The following CISTR variants were observed in gnomAD, a reference collection of about 807,000 sequenced individuals.
The protein encoded by CISTR is chondrogenic regulator lncRNA.
rs367670243 is a variant in CISTR at position 53,748,464 on chromosome 12, G to A, written n.1064-1616C>T. On this transcript the variant is annotated intron_variant and non_coding_transcript_variant, in intron 2 of 2. Coordinates refer to ENST00000669269, the Ensembl canonical transcript of CISTR. ...GGTCCCAGCACTCTGGAGATGAAGA[G>A]AGACGGACAGAGGGAACAGAGACAC... Among the ~76,000 whole-genome samples the A allele has an allele frequency of 1.2e-4, 19 of 152,300 alleles. No individual in the cohort carries two copies. In the East Asian group the frequency reaches 2.7e-3, roughly 22 times the overall value.
chr12:53,753,052 TCACACACACACACACA>T (rs760615546), intron 1 of CISTR, among the ~76,000 whole-genome samples: 2 of 121,326 alleles, frequency 1.6e-5, no homozygotes, highest in South Asian at 2.5e-4. Flanking sequence ...CATCTATACA[TCACACACACACACACA>T]CACACACACA....
intron 1 of CISTR, among the ~76,000 whole-genome samples, chr12:53,755,536 CG>C (rs1189386373): frequency 6.6e-6 from 1 of 152,028 alleles, no homozygotes; most frequent in Non-Finnish European, 1.5e-5. Context: ...GTGTGTATGT[CG>C]GGGAGGGGAA....
intron 2 of CISTR, among the ~76,000 whole-genome samples, chr12:53,747,938 G>A (rs1466896642): frequency 6.6e-6 from 1 of 152,124 alleles, no homozygotes; most frequent in Non-Finnish European, 1.5e-5. Flanking sequence ...CCCCCTTCCA[G>A]TAAAGCTCCT....
intron 1 of CISTR, among the ~76,000 whole-genome samples, chr12:53,753,698 GTGTGTA>G (rs1445303218): frequency 7.1e-6 from 1 of 141,510 alleles, no homozygotes; most frequent in East Asian, 2.0e-4. Flanking sequence ...GTGTGTGTGT[GTGTGTA>G]TGTGTGTGTG....
rs1421679926 is a variant in CISTR, at chr12:53,751,883, CCT to C, written n.415-920_415-919del. Reference sequence around the variant, plus strand: ...TCCCGCCTCTTTTCCTCCCCCGCTCCCTCTCTCCTTGCGGCTGACTCCAGCTC... The same window carrying C: ...TCCCGCCTCTTTTCCTCCCCCGCTCCCTCTCCTTGCGGCTGACTCCAGCTC... On this transcript the variant is annotated intron_variant and non_coding_transcript_variant, in intron 1 of 2. Coordinates refer to ENST00000669269, the Ensembl canonical transcript of CISTR. This position sits in a 1 kb window ranked among gnomAD's most constrained non-coding sequence, Gnocchi z 4.6. 1 of 153,138 alleles carries C rather than the reference CCT, an allele frequency of 6.5e-6. No homozygotes were observed. Among genetic ancestry groups the C allele is most frequent in the East Asian group, 1.9e-4 (1 of 5,198 alleles). The allele number at this position is 153,138 out of a possible 1,614,324, so 9.5% of individuals were successfully genotyped here. A position where few individuals can be genotyped will look rare whatever the true frequency, so the allele number is the denominator to read the frequency against.
At chr12:53,753,219 G>A (rs12824169) in intron 1 of CISTR, among the ~76,000 whole-genome samples, 1 of 152,120 alleles carries the variant, frequency 6.6e-6, no homozygotes, top group Non-Finnish European at 1.5e-5. Context: ...TCAGCGAGTC[G>A]CACACCTTCC....
At chr12:53,747,545 G>T (rs781303250) in intron 2 of CISTR, among the ~76,000 whole-genome samples, 1 of 152,144 alleles carries the variant, frequency 6.6e-6, no homozygotes, top group Admixed American at 6.5e-5. Flanking sequence ...GGGATTTGGA[G>T]CTGAGATTTG....
At position 53,749,310 on chromosome 12, in the gene CISTR, A is replaced by G. The variant is rs571139682; in HGVS notation, n.1063+1007T>C. ...GCAAGAAGTGTGTGTGTGTGTGTGT[A>G]TATATATATATAAAAGACAGGGAGC... On this transcript the variant is annotated intron_variant and non_coding_transcript_variant, in intron 2 of 2. Transcript: ENST00000669269. Among the ~76,000 whole-genome samples the G allele has an allele frequency of 8.2e-4, 123 of 150,568 alleles. 1 individual carries two copies. The highest frequency in any genetic ancestry group is 3.2e-3 in the Admixed American group (48 of 15,098).
exon 2 of CISTR, chr12:53,750,823 T>C (rs909032569): frequency 5.9e-5 from 9 of 153,320 alleles, no homozygotes; most frequent in African/African-American, 2.2e-4. Flanking sequence ...CGTGTGTGTG[T>C]GCGTGCTCGT....
chr12:53,756,075 G>T lies in CISTR; in HGVS notation n.414+739C>A. On this transcript the variant is annotated intron_variant and non_coding_transcript_variant, in intron 1 of 2. Transcript: ENST00000669269. The surrounding 1 kb of genome is among the most constrained non-coding windows in gnomAD (Gnocchi z 4.0). ...GCTTGGTGGAGGGAACCAGGAGCTA[G>T]GGGATTTAAAGCGCAATTTCCTGTG... 1 of 152,388 alleles carries T rather than the reference G, an allele frequency of 6.6e-6. No individual in the cohort carries two copies. The highest frequency in any genetic ancestry group is 1.5e-5 in the Non-Finnish European group (1 of 68,074). The allele number at this position is 152,388 out of a possible 1,614,324, so 9.4% of individuals were successfully genotyped here.
intron 2 of CISTR, among the ~76,000 whole-genome samples, chr12:53,749,291 AGT>A (rs3058906): frequency 0.59 from 88,494 of 148,940 alleles, 27,181 homozygotes; most frequent in East Asian, 0.86. Context: ...GGAGGCAAGA[AGT>A]GTGTGTGTGT....
At chr12:53,754,195 A>T (rs76910057) in intron 1 of CISTR, among the ~76,000 whole-genome samples, 37 of 152,308 alleles carry the variant, frequency 2.4e-4, no homozygotes, top group African/African-American at 8.7e-4. Flanking sequence ...GGATTGAATT[A>T]TTCATTTTAA....
chr12:53,753,495 T>C (rs569077193), intron 1 of CISTR, among the ~76,000 whole-genome samples: 12 of 152,196 alleles, frequency 7.9e-5, no homozygotes, highest in African/African-American at 2.9e-4. Flanking sequence ...CTGAAGGAAG[T>C]CTAGGAGGGT....
chr12:53,747,995 C>T (rs1187424152), intron 2 of CISTR, among the ~76,000 whole-genome samples: 1 of 152,146 alleles, frequency 6.6e-6, no homozygotes, highest in African/African-American at 2.4e-5. Context: ...TTAGAATGTA[C>T]AAGACATGTA....
chr12:53,747,059 G>C (rs11170674), intron 2 of CISTR, among the ~76,000 whole-genome samples: 8 of 152,228 alleles, frequency 5.3e-5, no homozygotes, highest in Non-Finnish European at 1.2e-4. Flanking sequence ...TTGAACAGAG[G>C]GCAATTTCTC....
intron 2 of CISTR, among the ~76,000 whole-genome samples, chr12:53,749,537 TTTTC>T (rs1252401228): frequency 9.2e-6 from 1 of 109,146 alleles, no homozygotes; most frequent in Non-Finnish European, 1.8e-5. Context: ...ATCAATGAGT[TTTTC>T]TTTCTTTCTT....
chr12:53,748,382 G>C (rs1008356014), intron 2 of CISTR, among the ~76,000 whole-genome samples: 1 of 152,208 alleles, frequency 6.6e-6, no homozygotes, highest in South Asian at 2.1e-4. Flanking sequence ...GACAGGGACA[G>C]AAAGACCCAG....
At chr12:53,750,227 G>C (rs1210999998) in intron 2 of CISTR, among the ~76,000 whole-genome samples, 1 of 152,202 alleles carries the variant, frequency 6.6e-6, no homozygotes, top group Non-Finnish European at 1.5e-5. Context: ...TAGTTCATCA[G>C]GGAAGGCTGC....
Position 53,751,996 on chromosome 12 carries a change from G to A in CISTR, n.415-1031C>T, listed in dbSNP as rs1052306699. Among the ~76,000 whole-genome samples, 7 of 151,486 alleles carry A rather than the reference G, an allele frequency of 4.6e-5. No individual in the cohort carries two copies. The highest frequency in any genetic ancestry group is 1.5e-4 in the African/African-American group (6 of 41,192). ...AGGGTCTCTCCCTCCCCCTCTCCCCGTGGTTGTCAGACTTTCTCCTGGACT... is the reference window on the plus strand; with the variant it reads ...AGGGTCTCTCCCTCCCCCTCTCCCCATGGTTGTCAGACTTTCTCCTGGACT... On this transcript the variant is annotated intron_variant and non_coding_transcript_variant, in intron 1 of 2. Coordinates refer to ENST00000669269, the Ensembl canonical transcript of CISTR. The surrounding 1 kb of genome is among the most constrained non-coding windows in gnomAD (Gnocchi z 4.6).
Sources: gnomAD v4.1 joint callset for allele counts (sites outside exome capture counted in the v4.1 genomes callset) on GRCh38, gnomAD v4.1.1 for gene constraint, Gnocchi (gnomAD v3.1) non-coding constraint, MANE v1.5 for transcripts, NCBI Gene and HGNC (gene_info 2026-07-23, HGNC 2026-07-21) for gene names.